GRM1: variants seen among roughly 807,000 people sequenced by gnomAD.
GRM1 encodes metabotropic glutamate receptor 1.
In GRM1, 33 loss-of-function variants were observed where a neutral mutation model predicts 90.9. The ratio of observed to expected loss-of-function variants is 0.36; its 90% confidence interval spans 0.28 to 0.49. The LOEUF (loss-of-function observed/expected upper bound fraction) is 0.49. Among genes scored for constraint, GRM1 ranks in the 20% least tolerant of loss-of-function variants. GRM1 has a pLI of 0.99. For missense variants in GRM1, 1,190 were observed against 1,534.3 expected, an observed-to-expected ratio of 0.78 and a Z score of 3.75; for synonymous variants, 700 against 613.2, an observed-to-expected ratio of 1.14 and a Z score of -2.09.
intron 5 of GRM1, among the ~76,000 whole-genome samples, chr6:146,374,388 A>G (rs990545273): frequency 1.8e-4 from 27 of 152,044 alleles, no homozygotes; most frequent in Non-Finnish European, 2.1e-4. Context: ...TTATAGAATG[A>G]GTTTGGAAGT....
intron 2 of GRM1, among the ~76,000 whole-genome samples, chr6:146,189,627 A>T (rs541076286): frequency 3.8e-4 from 58 of 152,324 alleles, no homozygotes; most frequent in African/African-American, 1.4e-3. Context: ...AAAAACCTTC[A>T]GTACAAGTGA....
chr6:146,133,526 C>A (rs1225376227), intron 1 of GRM1, among the ~76,000 whole-genome samples: 1 of 152,138 alleles, frequency 6.6e-6, no homozygotes, highest in African/African-American at 2.4e-5. Context: ...TTATGTATAT[C>A]TTTAACCTTC....
intron 2 of GRM1, among the ~76,000 whole-genome samples, chr6:146,211,033 G>T (rs1055862703): frequency 6.6e-6 from 1 of 151,662 alleles, no homozygotes. Context: ...AGGAAATTAT[G>T]ACCTACTCAA....
Position 146,225,211 on chromosome 6 carries a change from C to A in GRM1, c.950+65614C>A, listed in dbSNP as rs139660791. Among the ~76,000 whole-genome samples, 261 of 152,230 alleles carry A rather than the reference C, an allele frequency of 1.7e-3. 7 individuals carry two copies. Among genetic ancestry groups the A allele is most frequent in the East Asian group, 5.2e-3 (27 of 5,184 alleles). ...TGGGAGTGCGATCCTCTTGTTTCAG[C>A]TCCTTCACAGACAGCTCCAGCTTTT... On this transcript the variant is annotated intron_variant, in intron 2 of 7. Transcript: ENST00000282753.
intron 2 of GRM1, among the ~76,000 whole-genome samples, chr6:146,260,587 C>T (rs532449715): frequency 6.6e-6 from 1 of 152,220 alleles, no homozygotes; most frequent in Non-Finnish European, 1.5e-5. Context: ...CTGTCTTCCA[C>T]AGTGGTCGAA....
chr6:146,146,104 T>C (rs939109068), intron 1 of GRM1, among the ~76,000 whole-genome samples: 1 of 21,536 alleles, frequency 4.6e-5, no homozygotes, highest in African/African-American at 3.5e-4. Flanking sequence ...CCATTGTATC[T>C]TTTTTTTTTT....
At chr6:146,396,464 T>C (rs1206007463) in intron 6 of GRM1, among the ~76,000 whole-genome samples, 1 of 152,188 alleles carries the variant, frequency 6.6e-6, no homozygotes, top group Non-Finnish European at 1.5e-5. Context: ...GCAAATTGGT[T>C]ATCAATTTAA....
intron 1 of GRM1, among the ~76,000 whole-genome samples, chr6:146,077,718 C>A (rs1446869961): frequency 4.6e-5 from 7 of 152,206 alleles, no homozygotes; most frequent in Non-Finnish European, 8.8e-5. Context: ...ATTTCCTTAT[C>A]TTTAAAGATT....
intron 1 of GRM1, among the ~76,000 whole-genome samples, chr6:146,118,515 G>T (rs914841051): frequency 6.6e-6 from 1 of 152,112 alleles, no homozygotes; most frequent in African/African-American, 2.4e-5. Flanking sequence ...GTATATATGT[G>T]CCATGTTGGT....
intron 1 of GRM1, among the ~76,000 whole-genome samples, chr6:146,077,996 A>G (rs1776244168): frequency 6.6e-6 from 1 of 152,244 alleles, no homozygotes; most frequent in East Asian, 1.9e-4. Flanking sequence ...AAGGTGCGCC[A>G]TATTAAAATG....
At chr6:146,276,395 C>G (rs1332531203) in intron 2 of GRM1, among the ~76,000 whole-genome samples, 1 of 152,114 alleles carries the variant, frequency 6.6e-6, no homozygotes, top group African/African-American at 2.4e-5. Context: ...AATTATGTAA[C>G]AGAATTTTTG....
At chr6:146,349,393 T>C (rs1341356067) in intron 3 of GRM1, among the ~76,000 whole-genome samples, 1 of 152,118 alleles carries the variant, frequency 6.6e-6, no homozygotes, top group Non-Finnish European at 1.5e-5. Context: ...ATTAGTATTA[T>C]TGTAGATATG....
intron 3 of GRM1, among the ~76,000 whole-genome samples, chr6:146,323,161 C>T (rs1359094172): frequency 2.6e-5 from 4 of 152,188 alleles, no homozygotes; most frequent in Non-Finnish European, 5.9e-5. Context: ...GTTCTAGATC[C>T]CTGAGGAATC....
At chr6:146,369,942 C>T (rs150900855) in intron 5 of GRM1, among the ~76,000 whole-genome samples, 23 of 152,064 alleles carry the variant, frequency 1.5e-4, no homozygotes, top group African/African-American at 5.3e-4. Context: ...CAACTATTAC[C>T]GTATAGCAGT....
At chr6:146,128,477 A>C (rs1776278010) in intron 1 of GRM1, among the ~76,000 whole-genome samples, 1 of 152,106 alleles carries the variant, frequency 6.6e-6, no homozygotes, top group Non-Finnish European at 1.5e-5. Flanking sequence ...AGGGAGTCTT[A>C]TTTCACCAAT....
chr6:146,184,553 T>C (rs556063249), intron 2 of GRM1, among the ~76,000 whole-genome samples: 21 of 152,280 alleles, frequency 1.4e-4, no homozygotes, highest in African/African-American at 4.6e-4. Context: ...AATGCCGGCA[T>C]GAATTCAGTA....
chr6:146,146,101 A>ATTTTTTT (rs1316492768), intron 1 of GRM1, among the ~76,000 whole-genome samples: 2 of 29,522 alleles, frequency 6.8e-5, no homozygotes, highest in Non-Finnish European at 1.7e-4. Context: ...CTACCATTGT[A>ATTTTTTT]TCTTTTTTTT....
At chr6:146,258,493 G>T (rs1369443565) in intron 2 of GRM1, among the ~76,000 whole-genome samples, 1 of 151,722 alleles carries the variant, frequency 6.6e-6, no homozygotes, top group East Asian at 1.9e-4. Flanking sequence ...TTGATATCTT[G>T]CCCTCTTTTG....
chr6:146,320,157 G>C (rs567221773), intron 3 of GRM1, among the ~76,000 whole-genome samples: 2 of 152,200 alleles, frequency 1.3e-5, no homozygotes, highest in South Asian at 4.2e-4. Context: ...CTAGCTTATT[G>C]TGATTTTTTA....
Sources: allele counts gnomAD v4.1 joint callset (sites outside exome capture counted in the v4.1 genomes callset), GRCh38; gene constraint gnomAD v4.1.1; transcripts MANE v1.5; gene names NCBI Gene and HGNC (gene_info 2026-07-23, HGNC 2026-07-21).